The following ATP11A variants were observed in gnomAD, a reference collection of about 807,000 sequenced individuals.
ATP11A encodes ATPase phospholipid transporting 11A, also known as phospholipid-transporting ATPase IH.
ATP11A carries 81 observed loss-of-function variants against 154.4 expected under a neutral mutation model. The observed-to-expected ratio is 0.52, with a 90% CI of 0.44 to 0.63. ATP11A has a LOEUF of 0.63. Ranked by LOEUF, ATP11A falls within the 30% of genes least tolerant of loss-of-function variation. The pLI, the probability that ATP11A is intolerant of heterozygous loss-of-function variation, is 0.00. For synonymous variants in ATP11A, 623 were observed against 585.9 expected (o/e 1.06, Z -0.91); for missense variants, 1,316 against 1,474.3 (o/e 0.89, Z 1.76).
chr13:112,701,598 C>T (rs180828286), intron 1 of ATP11A, among the ~76,000 whole-genome samples: 67 of 152,134 alleles, frequency 4.4e-4, no homozygotes, highest in African/African-American at 1.5e-3. Flanking sequence ...TTTGGGAGGC[C>T]GAGGCGGGCG....
intron 1 of ATP11A, among the ~76,000 whole-genome samples, chr13:112,729,698 A>G (rs1890287370): frequency 6.6e-6 from 1 of 152,234 alleles, no homozygotes; most frequent in Non-Finnish European, 1.5e-5. Flanking sequence ...TGCTATTTTT[A>G]GCGTCCTGCT....
At chr13:112,805,161 C>A in intron 3 of ATP11A, 115 bp downstream of exon 3, 17 of 669,728 alleles carry the variant, frequency 2.5e-5, no homozygotes, top group East Asian at 9.1e-5. Context: ...TGCCCCTCAC[C>A]TATGATTAAT....
intron 26 of ATP11A, 35 bp downstream of exon 26, chr13:112,871,835 C>T: frequency 6.3e-7 from 1 of 1,590,400 alleles, no homozygotes; most frequent in Non-Finnish European, 8.6e-7. Context: ...CTCCCCCAGC[C>T]ACAGTGAACC....
At chr13:112,858,491 A>G in intron 22 of ATP11A, 1 of 531,308 alleles carries the variant, frequency 1.9e-6, no homozygotes, top group Non-Finnish European at 3.2e-6. Context: ...CATTACCTAC[A>G]GTCAACCCAT....
At chr13:112,768,273 C>T (rs551917817) in intron 1 of ATP11A, among the ~76,000 whole-genome samples, 193 of 152,376 alleles carry the variant, frequency 1.3e-3, no homozygotes, top group Admixed American at 3.3e-3. Flanking sequence ...GCAGCGTCTT[C>T]GCTTTCACTT....
rs149507159 is a variant in ATP11A, at chr13:112,794,732, G to A, written c.162+9475G>A. ...AAAAATAAAAAATTAACTGCGTGTG[G>A]TGGCGGGCGCCTGTATTTCTAGCTA... is the stretch of plus-strand genomic sequence containing the variant. On this transcript the variant is annotated intron_variant, in intron 2 of 29. Transcript: ENST00000375645. Among the ~76,000 whole-genome samples the A allele has an allele frequency of 3.9e-5, 6 of 152,230 alleles. No individual in the cohort carries two copies. The East Asian group carries it at 7.7e-4, about 20-fold the overall frequency.
chr13:112,690,410 A>T lies in ATP11A; in HGVS notation c.-7A>T. 1 of 1,307,534 alleles carries T rather than the reference A, an allele frequency of 7.6e-7. No individual in the cohort carries two copies. Among genetic ancestry groups the T allele is most frequent in the South Asian group, 2.5e-5 (1 of 40,298 alleles). The allele number at this position is 1,307,534 out of a possible 1,614,324, so 81.0% of individuals were successfully genotyped here. On this transcript the variant is annotated 5_prime_UTR_variant, in exon 1 of 30. Transcript: ENST00000375645. This position sits in a 1 kb window ranked among gnomAD's most constrained non-coding sequence, Gnocchi z 5.6. ...TGAACGGCGGAGCGGGAGCGGCCGG[A>T]GGAGCCATGGACTGCAGCCTCGTGC... is the stretch of plus-strand genomic sequence containing the variant.
intron 23 of ATP11A, 68 bp from the exon 24 acceptor site, chr13:112,860,219 A>C (rs943221955): frequency 1.3e-6 from 2 of 1,542,698 alleles, no homozygotes; most frequent in Admixed American, 1.9e-5. Context: ...AAATATATTT[A>C]ATCAAAAGAT....
At chr13:112,703,761 G>A (rs549495673) in intron 1 of ATP11A, among the ~76,000 whole-genome samples, 2 of 152,188 alleles carry the variant, frequency 1.3e-5, no homozygotes, top group South Asian at 4.2e-4. Context: ...GAGAAAGCTG[G>A]TAGGGGAGAG....
At chr13:112,843,963 TC>T (rs2079501675) in intron 17 of ATP11A, among the ~76,000 whole-genome samples, 1 of 152,162 alleles carries the variant, frequency 6.6e-6, no homozygotes. Context: ...ATCACTGACT[TC>T]CACCAGCCAC....
Position 112,738,222 on chromosome 13 carries a change from A to T in ATP11A, c.40-46913A>T, listed in dbSNP as rs554276055. The stretch of plus-strand genomic sequence containing the variant: ...ACCCCGTCTCTACTAAAAATACAAA[A>T]ATTAGCCAGGTGTGTTGGTGGGTGC... On this transcript the variant is annotated intron_variant, in intron 1 of 29. Transcript: ENST00000375645. Among the ~76,000 whole-genome samples the T allele has an allele frequency of 2.0e-5, 3 of 152,040 alleles. No individual in the cohort carries two copies. In the East Asian group the frequency reaches 5.8e-4, roughly 29 times the overall value.
In ATP11A at chr13:112,854,414, G is replaced by C; in HGVS notation, c.2127G>C (p.Gln709His). Residue 709 changes from glutamine to histidine, a missense_variant, in exon 19 of 30, where the codon CAG becomes CAC. This residue lies in a region of ATP11A where 876 missense variants were observed against 1,006.8 expected (regional missense o/e 0.87). Transcript: ENST00000375645. ...YACKLFRRNT[Q>H]LLELTTKRIE... is the part of the protein sequence containing the mutation. ...GCAAGCTCTTCCGCAGGAACACGCA[G>C]CTGCTGGAGCTGACCACCAAGAGGA... 6.2e-7 allele frequency: 1 copy of C among 1,613,528 alleles called. No individual in the cohort carries two copies. The highest frequency in any genetic ancestry group is 8.5e-7 in the Non-Finnish European group (1 of 1,180,028).
In ATP11A at chr13:112,838,653, G is replaced by A. The variant is rs145956950; in HGVS notation, c.1705+2402G>A. On this transcript the variant is annotated intron_variant, in intron 16 of 29. Coordinates refer to ENST00000375645, the MANE Select transcript of ATP11A (RefSeq NM_015205.3). This position sits in a 1 kb window ranked among gnomAD's most constrained non-coding sequence, Gnocchi z 7.3. ...GTTACTATCAAAAGGCTGAAGAGCC[G>A]CTGGATCACTCGAAGAATCCGGGTT... Among the ~76,000 whole-genome samples, 13 of 152,334 alleles carry A rather than the reference G, an allele frequency of 8.5e-5. No homozygotes were observed. Among genetic ancestry groups the A allele is most frequent in the South Asian group, 4.1e-4 (2 of 4,826 alleles).
chr13:112,881,678 C>T lies in ATP11A; in HGVS notation c.*10-198C>T, dbSNP rs537256840. The stretch of plus-strand genomic sequence containing the variant: ...GATCCCGCCCGGCCTGCCCTCAGGA[C>T]GAGGGTGTGTCCTGAGTTGAGTCTA... On this transcript the variant is annotated intron_variant, in intron 29 of 29. Transcript: ENST00000375645. 10 of 1,239,248 alleles carry T rather than the reference C, an allele frequency of 8.1e-6. No homozygotes were observed. The East Asian group carries it at 1.6e-4, about 20-fold the overall frequency. 76.8% of individuals were successfully genotyped at this position (1,239,248 alleles called of 1,614,324 possible). A position where few individuals can be genotyped will look rare whatever the true frequency, so the allele number is the denominator to read the frequency against.
chr13:112,851,335 G>T (rs1026634637), intron 18 of ATP11A, 117 bp downstream of exon 18: 2 of 982,926 alleles, frequency 2.0e-6, no homozygotes, highest in Non-Finnish European at 3.0e-6. Context: ...GACGGGGCGT[G>T]TTTGCTGCTC....
intron 2 of ATP11A, among the ~76,000 whole-genome samples, chr13:112,786,976 T>C (rs927178252): frequency 5.1e-4 from 76 of 150,276 alleles, no homozygotes; most frequent in African/African-American, 1.9e-3. Flanking sequence ...GGTGTCCTGA[T>C]GCGTAGACCC....
intron 29 of ATP11A, chr13:112,880,645 G>A (rs1323301571): frequency 2.2e-5 from 28 of 1,293,678 alleles, no homozygotes; most frequent in Middle Eastern, 4.2e-4. Flanking sequence ...TTAGCTCCAC[G>A]CTAGGTAACT....
chr13:112,795,741 G>C (rs1354828987), intron 2 of ATP11A, among the ~76,000 whole-genome samples: 3 of 152,228 alleles, frequency 2.0e-5, no homozygotes, highest in African/African-American at 7.2e-5. Context: ...CCTTTTAAAA[G>C]CTAATGGAGA....
intron 29 of ATP11A, 78 bp downstream of exon 29, chr13:112,878,381 AGTCCACGTGCTCTGACGCAGC>A: frequency 1.3e-6 from 2 of 1,495,268 alleles, no homozygotes; most frequent in Admixed American, 1.7e-5. Context: ...CAGAGCCCTG[AGTCCACGTGCTCTGACGCAGC>A]GTCCACCAGG....
Sources: allele counts gnomAD v4.1 joint callset (sites outside exome capture counted in the v4.1 genomes callset), GRCh38; gene constraint gnomAD v4.1.1; regional missense constraint gnomAD v4.1.1; non-coding constraint Gnocchi (gnomAD v3.1); transcripts MANE v1.5; gene names NCBI Gene and HGNC (gene_info 2026-07-23, HGNC 2026-07-21).